The following BRINP2 variants were observed in gnomAD, a reference collection of about 807,000 sequenced individuals.
BRINP2 encodes the protein BMP/retinoic acid inducible neural specific 2, also known as BMP/retinoic acid-inducible neural-specific protein 2.
BRINP2 carries 21 observed loss-of-function variants against 69.2 expected under a neutral mutation model. The ratio of observed to expected loss-of-function variants is 0.30; its 90% CI spans 0.22 to 0.44. BRINP2 has a LOEUF of 0.44. BRINP2 is among the 20% of genes least tolerant of loss of function. The probability of loss-of-function intolerance (pLI) is 1.00; values close to 1 mark genes in which losing one functional copy is unlikely to be tolerated. For missense variants in BRINP2, 877 were observed against 986.0 expected (o/e 0.89, Z 1.48); for synonymous variants, 380 against 394.1 (o/e 0.96, Z 0.42).
intron 1 of BRINP2, among the ~76,000 whole-genome samples, chr1:177,194,019 A>G (rs1330528165): frequency 2.0e-5 from 3 of 152,196 alleles, no homozygotes; most frequent in Non-Finnish European, 4.4e-5. Flanking sequence ...CATGGCCCTG[A>G]ACTTTTACAT....
Position 177,257,239 on chromosome 1 carries a change from G to A in BRINP2, c.524G>A (p.Gly175Glu), listed in dbSNP as rs1289455201. The change falls in exon 4 of 8, where the codon GGA becomes GAA. Residue 175 changes from glycine to glutamate, a missense_variant. Transcript: ENST00000361539. Reference protein sequence around the residue: ...QKLGRKTETTGGASIIGGSGN... With the variant: ...QKLGRKTETTEGASIIGGSGN... ...CTGGGAAGAAAGACAGAGACAACAG[G>A]AGGTGCCTCTATAATCGGGGGCAGT... is the stretch of plus-strand genomic sequence containing the variant. 2 of 1,613,996 alleles carry A rather than the reference G, an allele frequency of 1.2e-6. No individual in the cohort carries two copies. Among genetic ancestry groups the A allele is most frequent in the Non-Finnish European group, 8.5e-7 (1 of 1,180,046 alleles).
At chr1:177,253,549 C>T (rs1262223408) in intron 2 of BRINP2, among the ~76,000 whole-genome samples, 1 of 152,024 alleles carries the variant, frequency 6.6e-6, no homozygotes, top group Non-Finnish European at 1.5e-5. Context: ...GATGTAATCC[C>T]ATTTGTTTAT....
intron 1 of BRINP2, among the ~76,000 whole-genome samples, chr1:177,197,525 A>C (rs1285709673): frequency 6.6e-6 from 1 of 152,182 alleles, no homozygotes; most frequent in Non-Finnish European, 1.5e-5. Context: ...AAGCCATGTG[A>C]GGACATAGTG....
At chr1:177,271,591 A>T (rs1651329315) in intron 4 of BRINP2, among the ~76,000 whole-genome samples, 1 of 152,308 alleles carries the variant, frequency 6.6e-6, no homozygotes, top group East Asian at 1.9e-4. Flanking sequence ...GATAGTAATG[A>T]GATTTGTCCC....
intron 6 of BRINP2, among the ~76,000 whole-genome samples, chr1:177,277,028 T>C (rs1017765635): frequency 1.3e-5 from 2 of 152,210 alleles, no homozygotes; most frequent in African/African-American, 4.8e-5. Context: ...TGAGATCATG[T>C]AGATGCTCAA....
chr1:177,238,465 T>C (rs951151060), intron 2 of BRINP2, among the ~76,000 whole-genome samples: 9 of 152,168 alleles, frequency 5.9e-5, no homozygotes, highest in Non-Finnish European at 1.2e-4. Flanking sequence ...CATCACTGGA[T>C]TGTGGGGATG....
chr1:177,272,386 G>T (rs1454301963), intron 4 of BRINP2, among the ~76,000 whole-genome samples: 1 of 152,220 alleles, frequency 6.6e-6, no homozygotes, highest in East Asian at 1.9e-4. Flanking sequence ...TGAAAAGCCT[G>T]GAATGTATTA....
intron 1 of BRINP2, among the ~76,000 whole-genome samples, chr1:177,227,544 G>A (rs1353834777): frequency 6.6e-6 from 1 of 151,568 alleles, no homozygotes; most frequent in African/African-American, 2.4e-5. Context: ...TCATCAGATT[G>A]CATCCATTTA....
In BRINP2 at chr1:177,281,660, C is replaced by T. The variant is rs1033674501; in HGVS notation, c.*132C>T. 8.1e-6 allele frequency: 10 copies of T among 1,236,230 alleles called. No individual in the cohort carries two copies. The South Asian group carries it at 9.0e-5, about 11-fold the overall frequency. 76.6% of individuals were successfully genotyped at this position (1,236,230 alleles called of 1,614,324 possible). A position where few individuals can be genotyped will look rare whatever the true frequency, so the allele number is the denominator to read the frequency against. ...TTTCAGCATCCAGTAGATGGGACCT[C>T]GAGGCTCGAGCTGAAGCAGGCGAGA... On this transcript the variant is annotated 3_prime_UTR_variant, in exon 8 of 8. Transcript: ENST00000361539.
At chr1:177,236,910 G>A (rs1650044891) in intron 2 of BRINP2, among the ~76,000 whole-genome samples, 1 of 150,162 alleles carries the variant, frequency 6.7e-6, no homozygotes. Flanking sequence ...TTTCTTCCAG[G>A]GTGCAACTAA....
chr1:177,276,543 C>A, intron 6 of BRINP2, 109 bp downstream of exon 6: 1 of 957,756 alleles, frequency 1.0e-6, no homozygotes, highest in Admixed American at 2.1e-5. Context: ...GGGATCCTGA[C>A]ATGACCACTT....
chr1:177,268,976 G>C (rs1651218650), intron 4 of BRINP2, among the ~76,000 whole-genome samples: 1 of 152,128 alleles, frequency 6.6e-6, no homozygotes, highest in Non-Finnish European at 1.5e-5. Flanking sequence ...TGACTCACCT[G>C]CACACAGGGC....
At chr1:177,210,889 A>G (rs1649202971) in intron 1 of BRINP2, among the ~76,000 whole-genome samples, 1 of 151,362 alleles carries the variant, frequency 6.6e-6, no homozygotes, top group African/African-American at 2.4e-5. Context: ...TTACATGTTC[A>G]GATGACAATA....
intron 2 of BRINP2, 95 bp from the exon 3 acceptor site, chr1:177,255,824 C>A: frequency 1.5e-6 from 2 of 1,291,176 alleles, no homozygotes; most frequent in Non-Finnish European, 2.2e-6. Flanking sequence ...AGATGAGTGG[C>A]TGCAAGTGGA....
rs150106043 is a variant in BRINP2 at position 177,278,651 on chromosome 1, C to A, written c.1101C>A (p.Ser367Arg). 9.9e-6 allele frequency: 16 copies of A among 1,614,118 alleles called. No individual in the cohort carries two copies. In the African/African-American group the frequency reaches 2.0e-4, roughly 20 times the overall value. The change falls in exon 7 of 8, where the codon AGC becomes AGA. Residue 367 changes from serine (S) to arginine (R), a missense_variant. Ser to Arg is a moderately radical substitution (Grantham distance 110). This residue lies in a region of BRINP2 where 566 missense variants were observed against 625.2 expected (regional missense o/e 0.91). Transcript: ENST00000361539. ...CCCAGTTCTGGGCCATGGACACCAGCCTTCAGCACCGCTACCAGCAGCTGG... is the reference window on the plus strand; with the variant it reads ...CCCAGTTCTGGGCCATGGACACCAGACTTCAGCACCGCTACCAGCAGCTGG... ...AISQFWAMDTSLQHRYQQLGA... is the reference protein window; with the variant it reads ...AISQFWAMDTRLQHRYQQLGA...
At chr1:177,181,519 C>T (rs1047268232) in intron 1 of BRINP2, among the ~76,000 whole-genome samples, 1 of 152,122 alleles carries the variant, frequency 6.6e-6, no homozygotes, top group Non-Finnish European at 1.5e-5. Context: ...TCTGGCAGGC[C>T]GGGGGACTGG....
chr1:177,256,518 G>C (rs771107407), intron 3 of BRINP2: 1 of 985,234 alleles, frequency 1.0e-6, no homozygotes, highest in Non-Finnish European at 1.2e-6. Context: ...TCTCTATAAC[G>C]ATTGGAAACT....
At chr1:177,278,539 C>T (rs776286564) in intron 6 of BRINP2, 24 bp from the exon 7 acceptor site, 1 of 1,611,862 alleles carries the variant, frequency 6.2e-7, no homozygotes, top group South Asian at 1.1e-5. Flanking sequence ...CCCGTCAGCT[C>T]AGGTCCTGTG....
At chr1:177,262,672 T>C (rs1485861545) in intron 4 of BRINP2, among the ~76,000 whole-genome samples, 2 of 152,174 alleles carry the variant, frequency 1.3e-5, no homozygotes, top group Non-Finnish European at 2.9e-5. Flanking sequence ...TGCAGCAGGA[T>C]ATTAGTTGCA....
Sources: allele counts gnomAD v4.1 joint callset (sites outside exome capture counted in the v4.1 genomes callset), GRCh38; gene constraint gnomAD v4.1.1; regional missense constraint gnomAD v4.1.1; transcripts MANE v1.5; gene names NCBI Gene and HGNC (gene_info 2026-07-23, HGNC 2026-07-21).